The following RFX8 variants were observed in gnomAD, a reference collection of about 807,000 sequenced individuals.
RFX8 encodes the protein DNA-binding protein RFX8.
In RFX8, 46 loss-of-function variants were observed where a neutral mutation model predicts 54.6. The observed-to-expected ratio is 0.84, with a 90% CI of 0.67 to 1.08. The LOEUF is 1.08. RFX8 is among the 50% of genes least tolerant of loss of function. RFX8 has a pLI of 0.00. For synonymous variants in RFX8, 192 were observed against 209.5 expected, an observed-to-expected ratio of 0.92 and a Z score of 0.72; for missense variants, 536 against 562.3, an observed-to-expected ratio of 0.95 and a Z score of 0.47.
At chr2:101,463,499 CA>C (rs1302570488) in intron 2 of RFX8, among the ~76,000 whole-genome samples, 1 of 152,184 alleles carries the variant, frequency 6.6e-6, no homozygotes, top group Non-Finnish European at 1.5e-5. Flanking sequence ...GCGACCTCTC[CA>C]TGAAAGAGCT....
rs1345395295 is a variant in RFX8, at chr2:101,469,126, ATATATATATAAG to A, written c.-52-2238_-52-2227del. On this transcript the variant is annotated intron_variant, in intron 1 of 11. Coordinates refer to ENST00000428343, the MANE Select transcript of RFX8 (RefSeq NM_001145664.2). ...TATATAAGTGTATATATATATAAGT[ATATATATATAAG>A]TATATATATATATATACACACACAC... Among the ~76,000 whole-genome samples the A allele has an allele frequency of 8.3e-5, 11 of 131,940 alleles. 1 individual carries two copies. Among genetic ancestry groups the A allele is most frequent in the African/African-American group, 1.8e-4 (6 of 33,850 alleles). The allele number at this position is 131,940 out of a possible 152,430, so 86.6% of individuals were successfully genotyped here.
intron 1 of RFX8, among the ~76,000 whole-genome samples, chr2:101,469,094 GTATATATATATAAGTGTATA>G: frequency 9.8e-5 from 1 of 10,254 alleles, no homozygotes; most frequent in South Asian, 3.0e-3. Context: ...ATATATATAA[GTATATATATATAAGTGTATA>G]TATATATAAG....
intron 2 of RFX8, among the ~76,000 whole-genome samples, chr2:101,426,991 G>A (rs1232652383): frequency 2.0e-5 from 3 of 152,078 alleles, no homozygotes; most frequent in Non-Finnish European, 4.4e-5. Context: ...GTGCCCTCTG[G>A]TCCTCTCCAC....
intron 9 of RFX8, among the ~76,000 whole-genome samples, chr2:101,406,678 G>A (rs1277290955): frequency 6.6e-6 from 1 of 152,138 alleles, no homozygotes; most frequent in Non-Finnish European, 1.5e-5. Context: ...CTTGTGATGT[G>A]TGACACAGAA....
intron 2 of RFX8, among the ~76,000 whole-genome samples, chr2:101,440,966 A>T (rs1205270057): frequency 6.2e-5 from 7 of 113,464 alleles, no homozygotes; most frequent in East Asian, 2.4e-4. Flanking sequence ...CCATGTTGAA[A>T]TTTTTTTTTT....
intron 1 of RFX8, among the ~76,000 whole-genome samples, chr2:101,470,145 G>A (rs139268679): frequency 6.6e-5 from 10 of 152,198 alleles, no homozygotes; most frequent in African/African-American, 1.9e-4. Context: ...CACATACCCC[G>A]GGCTTTGAAC....
At chr2:101,405,456 C>T (rs1442723537) in intron 10 of RFX8, among the ~76,000 whole-genome samples, 1 of 152,062 alleles carries the variant, frequency 6.6e-6, no homozygotes, top group Non-Finnish European at 1.5e-5. Context: ...CCCTACAACC[C>T]TTTTTATAAG....
At position 101,413,218 on chromosome 2, in the gene RFX8, G is replaced by T. The variant is rs1444667645; in HGVS notation, c.562-147C>A. 1.3e-5 allele frequency: 9 copies of T among 681,802 alleles called. No individual in the cohort carries two copies. The South Asian group carries it at 1.6e-4, about 12-fold the overall frequency. The allele number at this position is 681,802 out of a possible 1,614,324, so 42.2% of individuals were successfully genotyped here. A position where few individuals can be genotyped will look rare whatever the true frequency, so the allele number is the denominator to read the frequency against. ...CCCATTAAAAATGAATCTTAAACAA[G>T]AATGAAAAGGTTAAAATTGCACACA... On this transcript the variant is annotated intron_variant, in intron 7 of 11. Transcript: ENST00000428343.
intron 2 of RFX8, among the ~76,000 whole-genome samples, 186 bp from the exon 3 acceptor site, chr2:101,422,658 T>A (rs1374718373): frequency 6.6e-6 from 1 of 152,214 alleles, no homozygotes; most frequent in Admixed American, 6.5e-5. Flanking sequence ...CTAATTTTTG[T>A]CTGTAATTCT....
At chr2:101,418,826 T>C in intron 5 of RFX8, 25 bp downstream of exon 5, 16 of 1,416,382 alleles carry the variant, frequency 1.1e-5, no homozygotes, top group Non-Finnish European at 1.6e-5. Flanking sequence ...AAGGATATAC[T>C]CTAGAGACTC....
At chr2:101,466,419 G>T (rs1486755043) in intron 2 of RFX8, among the ~76,000 whole-genome samples, 2 of 152,168 alleles carry the variant, frequency 1.3e-5, no homozygotes, top group African/African-American at 4.8e-5. Context: ...TCACAAAGTG[G>T]CTCTCAGCTT....
intron 2 of RFX8, among the ~76,000 whole-genome samples, chr2:101,460,689 G>A (rs1000012656): frequency 2.6e-5 from 4 of 151,064 alleles, no homozygotes; most frequent in South Asian, 2.1e-4. Flanking sequence ...CACCCTGTCC[G>A]TAATCATTCA....
chr2:101,461,075 T>A (rs72827019), intron 2 of RFX8, among the ~76,000 whole-genome samples: 52,042 of 150,788 alleles, frequency 0.35, 9,629 homozygotes, highest in African/African-American at 0.44. Context: ...GAGACCATCC[T>A]GGTTAACATG....
chr2:101,445,987 A>T (rs1688356776), intron 2 of RFX8, among the ~76,000 whole-genome samples: 1 of 152,212 alleles, frequency 6.6e-6, no homozygotes, highest in East Asian at 1.9e-4. Context: ...TAAAATAGAC[A>T]CTTTTCATCA....
chr2:101,465,806 A>T (rs1265994880), intron 2 of RFX8, among the ~76,000 whole-genome samples: 1 of 152,214 alleles, frequency 6.6e-6, no homozygotes. Context: ...AGTAGCCAAA[A>T]AAAGGTAAGC....
intron 11 of RFX8, 141 bp downstream of exon 11, chr2:101,402,295 T>C (rs1400263645): frequency 1.3e-6 from 1 of 756,678 alleles, no homozygotes; most frequent in Non-Finnish European, 2.1e-6. Flanking sequence ...AACTCACCCC[T>C]GGCAAAATCA....
At chr2:101,397,831 TG>T in intron 11 of RFX8, 107 bp from the exon 12 acceptor site, 1 of 901,834 alleles carries the variant, frequency 1.1e-6, no homozygotes, top group Non-Finnish European at 1.6e-6. Context: ...GCTCCCACCC[TG>T]GGATGTAAAG....
chr2:101,429,540 A>G (rs533523724), intron 2 of RFX8, among the ~76,000 whole-genome samples: 1 of 152,352 alleles, frequency 6.6e-6, no homozygotes, highest in South Asian at 2.1e-4. Context: ...CTATCTATGC[A>G]GTACGGTGCA....
In RFX8 at chr2:101,461,064, C is replaced by T. The variant is rs976964302; in HGVS notation, c.72+5713G>A. On this transcript the variant is annotated intron_variant, in intron 2 of 11. Coordinates refer to ENST00000428343, the MANE Select transcript of RFX8 (RefSeq NM_001145664.2). ...TGGGCAGATCACGAGGTCAGGAGAT[C>T]GAGACCATCCTGGTTAACATGGTAA... 4.6e-5 allele frequency among the ~76,000 whole-genome samples: 7 copies of T among 151,040 alleles called. No homozygotes were observed. The East Asian group carries it at 5.9e-4, about 13-fold the overall frequency.
Sources: gnomAD v4.1 joint callset for allele counts (sites outside exome capture counted in the v4.1 genomes callset) on GRCh38, gnomAD v4.1.1 for gene constraint, MANE v1.5 for transcripts, NCBI Gene and HGNC (gene_info 2026-07-23, HGNC 2026-07-21) for gene names.